ATP8A2: variants seen among roughly 807,000 people sequenced by gnomAD.
The protein encoded by ATP8A2 is phospholipid-transporting ATPase IB.
Under a neutral mutation model 165.6 loss-of-function variants are expected in ATP8A2, and 100 were observed. The ratio of observed to expected loss-of-function variants is 0.60; its 90% CI spans 0.51 to 0.71. The LOEUF (loss-of-function observed/expected upper bound fraction) is 0.71. Ranked by LOEUF, ATP8A2 falls within the 30% of genes least tolerant of loss-of-function variation. The pLI, the probability that ATP8A2 is intolerant of heterozygous loss-of-function variation, is 0.00. For missense variants in ATP8A2, 1,227 were observed against 1,479.5 expected (o/e 0.83, Z 2.80); for synonymous variants, 543 against 548.8 (o/e 0.99, Z 0.15).
chr13:25,981,478 A>T (rs562627165), intron 35 of ATP8A2, among the ~76,000 whole-genome samples: 1 of 152,354 alleles, frequency 6.6e-6, no homozygotes, highest in East Asian at 1.9e-4. Context: ...ATATGTAATT[A>T]CAATTACTAA....
chr13:25,711,067 C>T (rs143564156), intron 25 of ATP8A2, among the ~76,000 whole-genome samples: 23 of 152,174 alleles, frequency 1.5e-4, no homozygotes, highest in African/African-American at 5.1e-4. Context: ...TGCTGTGGTG[C>T]GAACTCAGCT....
chr13:25,629,047 C>G (rs539449767), intron 24 of ATP8A2, among the ~76,000 whole-genome samples: 2 of 152,108 alleles, frequency 1.3e-5, no homozygotes, highest in South Asian at 4.1e-4. Flanking sequence ...GTCTGTTGGC[C>G]ACTGTCCTTG....
Position 26,022,730 on chromosome 13 carries a change from C to G in ATP8A2, c.*2745C>G, listed in dbSNP as rs1459923714. ...GGTCAGAGTGTCACACACAACCCCT[C>G]CCCTGGGGCAGGGTGGACTGGACTA... is the stretch of plus-strand genomic sequence containing the variant. On this transcript the variant is annotated 3_prime_UTR_variant, in exon 37 of 37. Coordinates refer to ENST00000381655, the MANE Select transcript of ATP8A2 (RefSeq NM_016529.6). The G allele has an allele frequency of 1.3e-5, 2 of 152,210 alleles. No individual in the cohort carries two copies. The highest frequency in any genetic ancestry group is 1.5e-5 in the Non-Finnish European group (1 of 68,060). 9.4% of individuals were successfully genotyped at this position (152,210 alleles called of 1,614,324 possible).
At chr13:25,489,240 G>A (rs143538272) in intron 2 of ATP8A2, among the ~76,000 whole-genome samples, 5 of 152,016 alleles carry the variant, frequency 3.3e-5, no homozygotes, top group African/African-American at 7.2e-5. Flanking sequence ...TTCTATTCCC[G>A]GCTTACCGCA....
intron 36 of ATP8A2, among the ~76,000 whole-genome samples, chr13:26,019,354 G>A (rs896763502): frequency 2.0e-5 from 3 of 152,202 alleles, no homozygotes; most frequent in Non-Finnish European, 4.4e-5. Flanking sequence ...CTGGGATCGC[G>A]CCACTGCACT....
intron 24 of ATP8A2, among the ~76,000 whole-genome samples, chr13:25,667,280 A>T (rs915383221): frequency 6.6e-6 from 1 of 152,128 alleles, no homozygotes; most frequent in Non-Finnish European, 1.5e-5. Flanking sequence ...CGACACACAC[A>T]TGTTGAAATT....
intron 1 of ATP8A2, among the ~76,000 whole-genome samples, chr13:25,443,964 T>A (rs1345549935): frequency 3.3e-5 from 5 of 152,234 alleles, no homozygotes; most frequent in Non-Finnish European, 7.3e-5. Flanking sequence ...TAGCATAAAG[T>A]ATATAAATGT....
intron 25 of ATP8A2, among the ~76,000 whole-genome samples, chr13:25,759,330 T>A (rs144010683): frequency 1.4e-3 from 220 of 152,324 alleles, no homozygotes; most frequent in African/African-American, 5.1e-3. Context: ...ATCTCCGTTG[T>A]CATTAATTTT....
At chr13:25,828,594 C>T (rs1951378740) in intron 28 of ATP8A2, among the ~76,000 whole-genome samples, 1 of 152,162 alleles carries the variant, frequency 6.6e-6, no homozygotes, top group Non-Finnish European at 1.5e-5. Flanking sequence ...AGTGTGTGAT[C>T]TGGTGTCCGT....
chr13:25,914,613 G>GT (rs1026998844), intron 33 of ATP8A2, among the ~76,000 whole-genome samples: 7 of 152,106 alleles, frequency 4.6e-5, no homozygotes, highest in African/African-American at 1.4e-4. Context: ...TGATGTACTG[G>GT]TGTGGCCCTG....
chr13:25,684,570 T>C (rs2137824242), intron 24 of ATP8A2, among the ~76,000 whole-genome samples: 1 of 152,352 alleles, frequency 6.6e-6, no homozygotes, highest in African/African-American at 2.4e-5. Flanking sequence ...TATTTCTGTG[T>C]CTCAAGAATT....
chr13:25,447,884 A>T (rs1053910443), intron 1 of ATP8A2, among the ~76,000 whole-genome samples: 2 of 152,190 alleles, frequency 1.3e-5, no homozygotes, highest in African/African-American at 4.8e-5. Context: ...AGAGGGAGGA[A>T]GTCCTCTCAG....
At chr13:26,001,622 T>G (rs117740888) in intron 35 of ATP8A2, among the ~76,000 whole-genome samples, 2 of 152,238 alleles carry the variant, frequency 1.3e-5, no homozygotes, top group Non-Finnish European at 2.9e-5. Context: ...CCCTAATGAC[T>G]AATGATACTG....
At chr13:25,541,224 T>C (rs2137989831) in intron 8 of ATP8A2, among the ~76,000 whole-genome samples, 1 of 152,316 alleles carries the variant, frequency 6.6e-6, no homozygotes, top group South Asian at 2.1e-4. Context: ...CTTAAAAAAC[T>C]TTTGCTGCTT....
intron 1 of ATP8A2, among the ~76,000 whole-genome samples, chr13:25,448,946 T>C (rs748992254): frequency 3.9e-5 from 6 of 152,360 alleles, no homozygotes; most frequent in Admixed American, 2.0e-4. Flanking sequence ...ATTACAGGCG[T>C]GAGCCACCGT....
chr13:25,951,005 T>C (rs114565698), intron 33 of ATP8A2, among the ~76,000 whole-genome samples: 2,526 of 152,300 alleles, frequency 0.017, 59 homozygotes, highest in African/African-American at 0.058. Flanking sequence ...GCTGAGGATG[T>C]GGAGCAACCG....
intron 24 of ATP8A2, among the ~76,000 whole-genome samples, chr13:25,612,377 G>C (rs1185853991): frequency 6.6e-6 from 1 of 151,982 alleles, no homozygotes; most frequent in Non-Finnish European, 1.5e-5. Context: ...TTTTTCTCTT[G>C]ATTTCATTGT....
intron 33 of ATP8A2, among the ~76,000 whole-genome samples, chr13:25,913,263 A>G (rs1384070994): frequency 6.6e-6 from 1 of 152,212 alleles, no homozygotes; most frequent in Non-Finnish European, 1.5e-5. Flanking sequence ...TTGGCAGTTC[A>G]TTCCTAAAAT....
In ATP8A2 at chr13:25,559,723, A is replaced by G. The variant is rs761117721; in HGVS notation, c.1355A>G (p.His452Arg). ...TCTGTTTTCCGTTTCTCTGGCAGTC[A>G]CTTCCCAGAATTGGCAAGAGAGCCG... ...KCSIAGVTYG[H>R]FPELAREPSS... The change falls in exon 15 of 37, where the codon CAC becomes CGC. Residue 452 changes from histidine to arginine, a missense_variant and splice_region_variant. His to Arg is a conservative substitution (Grantham distance 29). This residue lies in a region of ATP8A2 where 592 missense variants were observed against 785.6 expected (regional missense o/e 0.75). Coordinates refer to ENST00000381655, the MANE Select transcript of ATP8A2 (RefSeq NM_016529.6). 9 of 1,613,148 alleles carry G rather than the reference A, an allele frequency of 5.6e-6. No homozygotes were observed. The highest frequency in any genetic ancestry group is 1.3e-5 in the African/African-American group (1 of 74,882).
Sources: gnomAD v4.1 joint callset for allele counts (sites outside exome capture counted in the v4.1 genomes callset) on GRCh38, gnomAD v4.1.1 for gene constraint, gnomAD v4.1.1 regional missense constraint, MANE v1.5 for transcripts, NCBI Gene and HGNC (gene_info 2026-07-23, HGNC 2026-07-21) for gene names.